The following TRPC3 variants were observed in gnomAD, a reference collection of about 807,000 sequenced individuals.
TRPC3 encodes short transient receptor potential channel 3.
A neutral mutation model predicts 90.9 loss-of-function variants in TRPC3; 54 were observed. The observed-to-expected ratio is 0.59, with a 90% CI of 0.48 to 0.75. The LOEUF (loss-of-function observed/expected upper bound fraction) is 0.75, where lower values mean the gene tolerates loss of function less well. Among genes scored for constraint, TRPC3 ranks in the 30% least tolerant of loss-of-function variants. The probability of loss-of-function intolerance (pLI) is 0.00; values close to 1 mark genes in which losing one functional copy is unlikely to be tolerated. For synonymous variants in TRPC3, 424 were observed against 450.9 expected (o/e 0.94, Z 0.75); for missense variants, 918 against 1,194.5 (o/e 0.77, Z 3.41).
At chr4:121,889,519 A>G (rs1263725128) in intron 10 of TRPC3, among the ~76,000 whole-genome samples, 1 of 152,194 alleles carries the variant, frequency 6.6e-6, no homozygotes, top group Non-Finnish European at 1.5e-5. Context: ...CAAAACCACA[A>G]TAAGATTTCA....
chr4:121,937,670 T>C (rs1453530283), intron 1 of TRPC3, among the ~76,000 whole-genome samples: 1 of 152,228 alleles, frequency 6.6e-6, no homozygotes, highest in Non-Finnish European at 1.5e-5. Flanking sequence ...AGGATTAAAG[T>C]GCCAAAGTCA....
In TRPC3 at chr4:121,951,796, G is replaced by A. The variant is rs1383355443; in HGVS notation, c.-116C>T. On this transcript the variant is annotated 5_prime_UTR_variant, in exon 1 of 12. Coordinates refer to ENST00000379645, the MANE Select transcript of TRPC3 (RefSeq NM_001130698.2). The surrounding 1 kb of genome is among the most constrained non-coding windows in gnomAD (Gnocchi z 4.4). ...ACCTCCCGCGGCTTCCGGGGCCCCG[G>A]GCGGCCCAGGGCGGGAAGGCAGGAG... 2.6e-6 allele frequency: 2 copies of A among 778,852 alleles called. No individual in the cohort carries two copies. Among genetic ancestry groups the A allele is most frequent in the Non-Finnish European group, 3.6e-6 (2 of 559,842 alleles). 48.2% of individuals were successfully genotyped at this position (778,852 alleles called of 1,614,324 possible).
At chr4:121,928,357 G>A (rs146623054) in intron 2 of TRPC3, among the ~76,000 whole-genome samples, 4 of 152,268 alleles carry the variant, frequency 2.6e-5, no homozygotes, top group South Asian at 4.1e-4. Context: ...ATCAGAGCTG[G>A]AGATAATGGT....
chr4:121,899,580 G>A (rs1445741445), intron 10 of TRPC3, 32 bp downstream of exon 10: 1 of 1,563,806 alleles, frequency 6.4e-7, no homozygotes, highest in Admixed American at 1.7e-5. Context: ...GAATCACATA[G>A]AGATCAAGAG....
At chr4:121,943,779 T>G (rs1730399331) in intron 1 of TRPC3, among the ~76,000 whole-genome samples, 1 of 152,190 alleles carries the variant, frequency 6.6e-6, no homozygotes, top group Admixed American at 6.5e-5. Flanking sequence ...ATCATCCATA[T>G]CTAAAGTCAA....
intron 2 of TRPC3, among the ~76,000 whole-genome samples, chr4:121,925,773 C>G (rs545091649): frequency 7.0e-4 from 107 of 152,188 alleles, no homozygotes; most frequent in African/African-American, 2.4e-3. Context: ...ATACATACAT[C>G]GAAGCATCCC....
At chr4:121,924,662 T>C (rs1224515170) in intron 3 of TRPC3, among the ~76,000 whole-genome samples, 1 of 152,214 alleles carries the variant, frequency 6.6e-6, no homozygotes, top group Non-Finnish European at 1.5e-5. Context: ...TGCCTCAGCC[T>C]CCTGAGTAGC....
intron 3 of TRPC3, among the ~76,000 whole-genome samples, chr4:121,921,926 T>TTGTTTTTTTTTG (rs1729531707): frequency 6.7e-6 from 1 of 148,530 alleles, no homozygotes; most frequent in Non-Finnish European, 1.5e-5. Flanking sequence ...TTTGTTTTTT[T>TTGTTTTTTTTTG]TTTTTTTTTC....
At chr4:121,885,384 T>C (rs1004729932) in intron 10 of TRPC3, among the ~76,000 whole-genome samples, 7 of 152,174 alleles carry the variant, frequency 4.6e-5, no homozygotes, top group Non-Finnish European at 1.0e-4. Flanking sequence ...TTTACCACTT[T>C]AGCTGCTGTC....
chr4:121,938,822 G>A (rs1730213528), intron 1 of TRPC3, among the ~76,000 whole-genome samples: 2 of 151,370 alleles, frequency 1.3e-5, no homozygotes, highest in South Asian at 2.1e-4. Flanking sequence ...CATAAACTCT[G>A]TTTTCACCAT....
At chr4:121,946,678 A>G (rs1217223227) in intron 1 of TRPC3, among the ~76,000 whole-genome samples, 1 of 152,234 alleles carries the variant, frequency 6.6e-6, no homozygotes, top group Non-Finnish European at 1.5e-5. Flanking sequence ...TATATGAAAG[A>G]GTTGAAAGTG....
At chr4:121,900,156 C>T (rs1728653866) in intron 9 of TRPC3, among the ~76,000 whole-genome samples, 1 of 152,202 alleles carries the variant, frequency 6.6e-6, no homozygotes, top group Admixed American at 6.5e-5. Context: ...CAAAATAACA[C>T]ATCTTCCAAA....
intron 9 of TRPC3, 30 bp downstream of exon 9, chr4:121,902,822 T>A (rs1197779560): frequency 3.4e-6 from 5 of 1,485,274 alleles, no homozygotes; most frequent in Non-Finnish European, 4.6e-6. Flanking sequence ...AACATTTATT[T>A]TAAGGTCTTG....
In TRPC3 at chr4:121,875,260, A is replaced by G. The variant is rs964745288; in HGVS notation, c.*4476T>C. On this transcript the variant is annotated 3_prime_UTR_variant, in exon 12 of 12. Coordinates refer to ENST00000379645, the MANE Select transcript of TRPC3 (RefSeq NM_001130698.2). ...TATTTTGAAGCTCAAATTTATTTTAAAACAGTGAAATGAGGCTATGATATA... is the reference window on the plus strand; with the variant it reads ...TATTTTGAAGCTCAAATTTATTTTAGAACAGTGAAATGAGGCTATGATATA... Among the ~76,000 whole-genome samples the G allele has an allele frequency of 6.6e-6, 1 of 152,198 alleles. No individual in the cohort carries two copies. Among genetic ancestry groups the G allele is most frequent in the Non-Finnish European group, 1.5e-5 (1 of 68,020 alleles).
intron 7 of TRPC3, among the ~76,000 whole-genome samples, chr4:121,905,252 G>T (rs1456387029): frequency 1.3e-5 from 2 of 151,980 alleles, no homozygotes; most frequent in African/African-American, 2.4e-5. Context: ...TTGTCTCTGG[G>T]AACTAAGGAT....
chr4:121,936,207 T>C (rs1730123227), intron 1 of TRPC3, among the ~76,000 whole-genome samples: 1 of 152,238 alleles, frequency 6.6e-6, no homozygotes, highest in South Asian at 2.1e-4. Context: ...TAATCTGAAC[T>C]GATGGAACGA....
chr4:121,885,419 T>C (rs532651392), intron 10 of TRPC3, among the ~76,000 whole-genome samples: 1 of 152,282 alleles, frequency 6.6e-6, no homozygotes, highest in East Asian at 1.9e-4. Flanking sequence ...TTTAACACAG[T>C]TGAGACTGTG....
chr4:121,912,151 G>A lies in TRPC3; in HGVS notation c.1342-58C>T, dbSNP rs1386102597. On this transcript the variant is annotated intron_variant, in intron 4 of 11. Coordinates refer to ENST00000379645, the MANE Select transcript of TRPC3 (RefSeq NM_001130698.2). ...AGAAAATCTGGCTTTCACTTGTGGAGATTACAACATAGGATTAAAAAAAAT... is the reference window on the plus strand; with the variant it reads ...AGAAAATCTGGCTTTCACTTGTGGAAATTACAACATAGGATTAAAAAAAAT... 45 of 1,477,960 alleles carry A rather than the reference G, an allele frequency of 3.0e-5. No individual in the cohort carries two copies. The East Asian group carries it at 3.5e-4, about 12-fold the overall frequency. 91.6% of individuals were successfully genotyped at this position (1,477,960 alleles called of 1,614,324 possible). A position where few individuals can be genotyped will look rare whatever the true frequency, so the allele number is the denominator to read the frequency against.
chr4:121,912,201 TCTGCTTCTGTTTCCAAAAA>T, intron 4 of TRPC3, 108 bp from the exon 5 acceptor site: 1 of 917,420 alleles, frequency 1.1e-6, no homozygotes, highest in Non-Finnish European at 1.6e-6. Context: ...CACTCAAAAT[TCTGCTTCTGTTTCCAAAAA>T]GCTTTATATT....
Sources: gnomAD v4.1 joint callset for allele counts (sites outside exome capture counted in the v4.1 genomes callset) on GRCh38, gnomAD v4.1.1 for gene constraint, Gnocchi (gnomAD v3.1) non-coding constraint, MANE v1.5 for transcripts, NCBI Gene and HGNC (gene_info 2026-07-23, HGNC 2026-07-21) for gene names.